The following UBE2W variants were observed in gnomAD, a reference collection of about 807,000 sequenced individuals.
UBE2W encodes the protein ubiquitin-conjugating enzyme E2 W.
In UBE2W, 18 loss-of-function variants were observed where a neutral mutation model predicts 27.2. The ratio of observed to expected loss-of-function variants is 0.66; its 90% CI spans 0.46 to 0.98. The LOEUF is 0.98. Ranked by LOEUF, UBE2W falls within the 50% of genes least tolerant of loss-of-function variation. The probability of loss-of-function intolerance (pLI) is 0.00; values close to 1 mark genes in which losing one functional copy is unlikely to be tolerated. For missense variants in UBE2W, 90 were observed against 180.2 expected (o/e 0.50, Z 2.87); for synonymous variants, 53 against 57.2 (o/e 0.93, Z 0.33).
chr8:73,878,777 G>GGCCCGCCCAGATGCAGCAA (rs1481423671), intron 1 of UBE2W, 31 bp downstream of exon 1: 2 of 1,533,670 alleles, frequency 1.3e-6, no homozygotes, highest in African/African-American at 2.8e-5. Context: ...GCGGCTCCCT[G>GGCCCGCCCAGATGCAGCAA]GCCCGCCCAG....
downstream of UBE2W, among the ~76,000 whole-genome samples, chr8:73,782,268 G>A (rs890133091): frequency 6.6e-6 from 1 of 151,142 alleles, no homozygotes; most frequent in Non-Finnish European, 1.5e-5. Flanking sequence ...TTTTTTAATT[G>A]AGGTATAATG....
chr8:73,864,546 A>T (rs909103048), intron 1 of UBE2W, among the ~76,000 whole-genome samples: 7 of 152,070 alleles, frequency 4.6e-5, no homozygotes, highest in African/African-American at 1.7e-4. Context: ...TTCTTCAACC[A>T]ATCAAAAGTA....
At chr8:73,842,543 A>C (rs1291809790) in intron 1 of UBE2W, among the ~76,000 whole-genome samples, 1 of 148,700 alleles carries the variant, frequency 6.7e-6, no homozygotes, top group Non-Finnish European at 1.5e-5. Flanking sequence ...AAAAAAAAAA[A>C]AAAAAAAAAA....
intron 1 of UBE2W, among the ~76,000 whole-genome samples, chr8:73,844,782 G>A (rs1810703203): frequency 6.6e-6 from 1 of 151,410 alleles, no homozygotes; most frequent in African/African-American, 2.4e-5. Context: ...TGTGAAGAGA[G>A]CCTCTGCCTG....
intron 1 of UBE2W, among the ~76,000 whole-genome samples, chr8:73,858,979 CGTGTGTGTGTGTGTGTGTGTGTGT>C (rs59095956): frequency 7.9e-6 from 1 of 125,924 alleles, no homozygotes; most frequent in Non-Finnish European, 1.7e-5. Flanking sequence ...GGGGTTTTTG[CGTGTGTGTGTGTGTGTGTGTGTGT>C]GTGTGTGTGT....
intron 1 of UBE2W, among the ~76,000 whole-genome samples, chr8:73,848,208 A>G (rs113571231): frequency 0.057 from 8,698 of 152,094 alleles, 811 homozygotes; most frequent in African/African-American, 0.2. Context: ...AAATAAGTAA[A>G]TAAATAAATA....
intron 3 of UBE2W, among the ~76,000 whole-genome samples, chr8:73,819,553 T>C (rs1809526449): frequency 6.6e-6 from 1 of 152,234 alleles, no homozygotes; most frequent in African/African-American, 2.4e-5. Flanking sequence ...AACCAACCAT[T>C]TACCTGTATC....
intron 3 of UBE2W, among the ~76,000 whole-genome samples, chr8:73,817,472 G>A (rs934760833): frequency 6.6e-6 from 1 of 152,184 alleles, no homozygotes; most frequent in Admixed American, 6.5e-5. Flanking sequence ...ATATAGAAAG[G>A]AAAAGTAGTA....
At chr8:73,851,468 T>C (rs972159960) in intron 1 of UBE2W, among the ~76,000 whole-genome samples, 1 of 152,202 alleles carries the variant, frequency 6.6e-6, no homozygotes, top group Non-Finnish European at 1.5e-5. Context: ...GGAAAAAATA[T>C]ACATTTTTAA....
At chr8:73,838,502 G>A (rs1810401858) in intron 1 of UBE2W, among the ~76,000 whole-genome samples, 1 of 152,140 alleles carries the variant, frequency 6.6e-6, no homozygotes, top group Non-Finnish European at 1.5e-5. Flanking sequence ...CACTTTAGGA[G>A]GCCAAGGCAG....
rs538817076 is a variant in UBE2W, at chr8:73,825,918, C to T, written c.108-669G>A. ...TACCATTTCTACAATGCTGATATTACGTATTCTATACATAACATCAAACAA... is the reference window on the plus strand; with the variant it reads ...TACCATTTCTACAATGCTGATATTATGTATTCTATACATAACATCAAACAA... On this transcript the variant is annotated intron_variant, in intron 2 of 5. Transcript: ENST00000602593. Among the ~76,000 whole-genome samples, 12 of 152,300 alleles carry T rather than the reference C, an allele frequency of 7.9e-5. No homozygotes were observed. In the East Asian group the frequency reaches 1.9e-3, roughly 24 times the overall value.
chr8:73,855,650 C>T (rs1355087788), intron 1 of UBE2W, among the ~76,000 whole-genome samples: 1 of 151,954 alleles, frequency 6.6e-6, no homozygotes, highest in Non-Finnish European at 1.5e-5. Flanking sequence ...AAGTAATCTG[C>T]CCACCTCGGC....
At chr8:73,845,101 G>A (rs1810731856) in intron 1 of UBE2W, among the ~76,000 whole-genome samples, 1 of 150,560 alleles carries the variant, frequency 6.6e-6, no homozygotes, top group African/African-American at 2.4e-5. Context: ...GTGGGGGGCA[G>A]CCCCCGCCTG....
chr8:73,804,409 T>C (rs1028851346), intron 5 of UBE2W, among the ~76,000 whole-genome samples: 2 of 152,140 alleles, frequency 1.3e-5, no homozygotes, highest in Non-Finnish European at 2.9e-5. Flanking sequence ...TTTTTGTTTT[T>C]AATTTCAAAT....
intron 5 of UBE2W, among the ~76,000 whole-genome samples, chr8:73,794,386 G>A (rs1280390861): frequency 6.6e-6 from 1 of 152,148 alleles, no homozygotes; most frequent in Non-Finnish European, 1.5e-5. Flanking sequence ...GACATGACAT[G>A]TTAGTACATA....
In UBE2W at chr8:73,791,699, CAA is replaced by C. The variant is rs1808209076; in HGVS notation, c.*2401_*2402del. Reference sequence around the variant, plus strand: ...AGGAGTTTTCAATGATTCCTAAATTCAAGAGAGTGTTGTTAGCCTGATTATGA... The same window carrying C: ...AGGAGTTTTCAATGATTCCTAAATTCGAGAGTGTTGTTAGCCTGATTATGA... On this transcript the variant is annotated 3_prime_UTR_variant, in exon 6 of 6. Transcript: ENST00000602593. The C allele has an allele frequency of 1.0e-6, 1 of 985,018 alleles. No homozygotes were observed. Among genetic ancestry groups the C allele is most frequent in the Non-Finnish European group, 1.2e-6 (1 of 829,744 alleles). The allele number at this position is 985,018 out of a possible 1,614,324, so 61.0% of individuals were successfully genotyped here.
intron 1 of UBE2W, among the ~76,000 whole-genome samples, chr8:73,849,230 G>C (rs1810961258): frequency 6.6e-6 from 1 of 151,960 alleles, no homozygotes; most frequent in Non-Finnish European, 1.5e-5. Flanking sequence ...AAATATTGTA[G>C]GCCAGGAGCG....
chr8:73,878,857 A>C lies in UBE2W; in HGVS notation c.-35T>G, dbSNP rs1812364581. On this transcript the variant is annotated 5_prime_UTR_variant, in exon 1 of 6. Coordinates refer to ENST00000602593, the MANE Select transcript of UBE2W (RefSeq NM_018299.6). Reference sequence around the variant, plus strand: ...ATCCCCCCAAGACCGGCGAGGCCAGAGACGCAGGGGGAGGAGCTGCCGTGC... The same window carrying C: ...ATCCCCCCAAGACCGGCGAGGCCAGCGACGCAGGGGGAGGAGCTGCCGTGC... 1 of 1,546,848 alleles carries C rather than the reference A, an allele frequency of 6.5e-7. No individual in the cohort carries two copies. The highest frequency in any genetic ancestry group is 1.4e-5 in the African/African-American group (1 of 72,512).
chr8:73,849,184 A>G (rs1810956538), intron 1 of UBE2W, among the ~76,000 whole-genome samples: 1 of 152,146 alleles, frequency 6.6e-6, no homozygotes, highest in Non-Finnish European at 1.5e-5. Context: ...ATAACAGTAA[A>G]ATAAGTGCAA....
Sources: allele counts gnomAD v4.1 joint callset (sites outside exome capture counted in the v4.1 genomes callset), GRCh38; gene constraint gnomAD v4.1.1; transcripts MANE v1.5; gene names NCBI Gene and HGNC (gene_info 2026-07-23, HGNC 2026-07-21).